PCBP2: variants seen among roughly 807,000 people sequenced by gnomAD.
The protein encoded by PCBP2 is poly(rC) binding protein 2.
A neutral mutation model predicts 50.1 loss-of-function variants in PCBP2; 4 were observed. The ratio of observed to expected loss-of-function variants is 0.08; its 90% confidence interval spans 0.04 to 0.18. PCBP2 has a LOEUF of 0.18. PCBP2 is among the 10% of genes least tolerant of loss of function. PCBP2 has a pLI of 1.00. For synonymous variants in PCBP2, 179 were observed against 168.0 expected, an observed-to-expected ratio of 1.07 and a Z score of -0.51; for missense variants, 161 against 474.3, an observed-to-expected ratio of 0.34 and a Z score of 6.14.
At chr12:53,474,768 T>TA (rs1197826061) in intron 14 of PCBP2, 3 of 343,564 alleles carry the variant, frequency 8.7e-6, no homozygotes, top group African/African-American at 6.4e-5. Context: ...CAGAGGCACT[T>TA]ACTGATATAA....
intron 1 of PCBP2, chr12:53,453,294 AAAC>A (rs1940726797): frequency 1.3e-5 from 2 of 151,276 alleles, no homozygotes; most frequent in African/African-American, 4.9e-5. Context: ...GTAAGGAATT[AAAC>A]TACCAGGTCT....
At chr12:53,467,063 C>T (rs955201973) in intron 10 of PCBP2, among the ~76,000 whole-genome samples, 158 bp from the exon 11 acceptor site, 1 of 152,160 alleles carries the variant, frequency 6.6e-6, no homozygotes, top group African/African-American at 2.4e-5. Flanking sequence ...TTCTGCCAAT[C>T]CCCAGGATTG....
chr12:53,452,142 G>GCGCCCTCTCC lies in PCBP2; in HGVS notation c.-304_-295dup, dbSNP rs1303532230. 6.9e-6 allele frequency: 1 copy of GCGCCCTCTCC among 144,072 alleles called. No homozygotes were observed. The highest frequency in any genetic ancestry group is 2.6e-5 in the African/African-American group (1 of 38,564). 8.9% of individuals were successfully genotyped at this position (144,072 alleles called of 1,614,324 possible). ...GCAGCAGCCGGAGCAGCCGCAGCCT[G>GCGCCCTCTCC]CGCCCTCTCCCGCCCGCCCGCCCTC... On this transcript the variant is annotated 5_prime_UTR_variant, in exon 1 of 15. Transcript: ENST00000546463.
intron 5 of PCBP2, 101 bp from the exon 6 acceptor site, chr12:53,459,171 G>A: frequency 9.9e-7 from 1 of 1,006,258 alleles, no homozygotes; most frequent in Non-Finnish European, 1.4e-6. Context: ...GACCTCGCAT[G>A]TCCTAATAAG....
At position 53,455,793 on chromosome 12, in the gene PCBP2, T is replaced by G. The variant is rs1404571091; in HGVS notation, c.127-92T>G. 3.5e-6 allele frequency: 3 copies of G among 856,624 alleles called. No individual in the cohort carries two copies. In the African/African-American group the frequency reaches 5.0e-5, roughly 14 times the overall value. The allele number at this position is 856,624 out of a possible 1,614,324, so 53.1% of individuals were successfully genotyped here. On this transcript the variant is annotated intron_variant, in intron 4 of 14. Transcript: ENST00000546463. ...CTGACTTTGCTTTGCATCAGGATCA[T>G]GTACATTGGCAGTCTTATAAGGGAC... is the stretch of plus-strand genomic sequence containing the variant.
rs1941649877 is a variant in PCBP2 at position 53,464,184 on chromosome 12, T to TC, written c.580-571dup. 2.0e-5 allele frequency among the ~76,000 whole-genome samples: 3 copies of TC among 152,054 alleles called. No individual in the cohort carries two copies. In the South Asian group the frequency reaches 6.2e-4, roughly 32 times the overall value. ...TTCCTGCTCTTCTGGATTCTCCCAC[T>TC]CCCCCTTTGGAATAGAGTCCCATAC... is the stretch of plus-strand genomic sequence containing the variant. On this transcript the variant is annotated intron_variant, in intron 8 of 14. Coordinates refer to ENST00000546463, the MANE Select transcript of PCBP2 (RefSeq NM_031989.5).
chr12:53,455,561 T>A (rs1940942311), intron 4 of PCBP2, 68 bp downstream of exon 4: 5 of 1,530,980 alleles, frequency 3.3e-6, no homozygotes, highest in Non-Finnish European at 4.5e-6. Context: ...GTGAAAATTC[T>A]TTTTCAGAAA....
At position 53,480,153 on chromosome 12, in the gene PCBP2, T is replaced by A. The variant is rs1476385268; in HGVS notation, c.*711T>A. 1 of 152,184 alleles carries A rather than the reference T, an allele frequency of 6.6e-6. No homozygotes were observed. The highest frequency in any genetic ancestry group is 6.5e-5 in the Admixed American group (1 of 15,278). 9.4% of individuals were successfully genotyped at this position (152,184 alleles called of 1,614,324 possible). On this transcript the variant is annotated 3_prime_UTR_variant, in exon 15 of 15. Coordinates refer to ENST00000546463, the MANE Select transcript of PCBP2 (RefSeq NM_031989.5). Reference sequence around the variant, plus strand: ...CACATGACATACATGGCATACACATTAAGCAGTTGATCATATGTCTGACTG... The same window carrying A: ...CACATGACATACATGGCATACACATAAAGCAGTTGATCATATGTCTGACTG...
chr12:53,479,368 C>T (rs1208451692), intron 14 of PCBP2, 38 bp from the exon 15 acceptor site: 1 of 1,601,698 alleles, frequency 6.2e-7, no homozygotes, highest in Non-Finnish European at 8.6e-7. Context: ...CAGCTGAGCA[C>T]TGGGGAAACT....
chr12:53,461,286 A>C (rs1198504488), intron 7 of PCBP2, 143 bp downstream of exon 7: 20 of 857,072 alleles, frequency 2.3e-5, no homozygotes, highest in Non-Finnish European at 1.4e-5. Context: ...CTGAGTTCAT[A>C]TTTTCCTTCC....
chr12:53,463,509 A>G (rs959700791), intron 8 of PCBP2, among the ~76,000 whole-genome samples: 2 of 152,242 alleles, frequency 1.3e-5, no homozygotes, highest in African/African-American at 2.4e-5. Flanking sequence ...AAGTATTTAC[A>G]TAGTATTTAC....
Position 53,452,353 on chromosome 12 carries a change from C to T in PCBP2, c.-99C>T, listed in dbSNP as rs1940592231. ...CCCCTTCCCGCCCGCTCCCCTTTTCCCCTCAGTCGCCTCGCGCCTGCAGGT... is the reference window on the plus strand; with the variant it reads ...CCCCTTCCCGCCCGCTCCCCTTTTCTCCTCAGTCGCCTCGCGCCTGCAGGT... On this transcript the variant is annotated 5_prime_UTR_variant, in exon 1 of 15. Coordinates refer to ENST00000546463, the MANE Select transcript of PCBP2 (RefSeq NM_031989.5). 1 of 142,786 alleles carries T rather than the reference C, an allele frequency of 7.0e-6. No individual in the cohort carries two copies. Among genetic ancestry groups the T allele is most frequent in the Non-Finnish European group, 1.5e-5 (1 of 65,276 alleles). The allele number at this position is 142,786 out of a possible 1,614,324, so 8.8% of individuals were successfully genotyped here. A position where few individuals can be genotyped will look rare whatever the true frequency, so the allele number is the denominator to read the frequency against.
In PCBP2 at chr12:53,456,238, C is replaced by T. The variant is rs566900807; in HGVS notation, c.243+237C>T. ...TCCCAGCACTTTTGGGAGGCTGAGG[C>T]GGGCAGATAAACGAGGTCAGGAGTT... On this transcript the variant is annotated intron_variant, in intron 5 of 14. Transcript: ENST00000546463. Among the ~76,000 whole-genome samples the T allele has an allele frequency of 3.3e-5, 5 of 152,066 alleles. No individual in the cohort carries two copies. In the South Asian group the frequency reaches 6.2e-4, roughly 19 times the overall value.
intron 5 of PCBP2, among the ~76,000 whole-genome samples, chr12:53,456,684 A>G (rs1941042605): frequency 6.6e-6 from 1 of 152,174 alleles, no homozygotes. Flanking sequence ...TTGTGTCAAA[A>G]TTACATTTGT....
chr12:53,465,906 T>C (rs1412523127), intron 9 of PCBP2, 26 bp from the exon 10 acceptor site: 27 of 1,599,390 alleles, frequency 1.7e-5, no homozygotes, highest in Non-Finnish European at 2.3e-5. Context: ...TGGTTTTTAA[T>C]AGGAACTGTT....
chr12:53,461,078 A>G lies in PCBP2; in HGVS notation c.439A>G (p.Thr147Ala). The G allele has an allele frequency of 1.2e-6, 2 of 1,614,046 alleles. No homozygotes were observed. Among genetic ancestry groups the G allele is most frequent in the Non-Finnish European group, 8.5e-7 (1 of 1,179,992 alleles). The change falls in exon 7 of 15, where the codon ACT becomes GCT. Residue 147 changes from threonine (T) to alanine (A), a missense_variant. Around this residue, in one of 7 missense-constraint regions of PCBP2, gnomAD observed 13 missense variants for 71.8 expected, o/e 0.18. Coordinates refer to ENST00000546463, the MANE Select transcript of PCBP2 (RefSeq NM_031989.5). ...ACCCAACTCAACTGAGCGGGCCATCACTATTGCTGGCATTCCACAATCCAT... is the reference window on the plus strand; with the variant it reads ...ACCCAACTCAACTGAGCGGGCCATCGCTATTGCTGGCATTCCACAATCCAT... ...MLPNSTERAI[T>A]IAGIPQSIIE... is the part of the protein sequence containing the mutation.
chr12:53,462,443 C>T, intron 7 of PCBP2, 50 bp from the exon 8 acceptor site: 2 of 1,508,220 alleles, frequency 1.3e-6, no homozygotes, highest in Middle Eastern at 1.7e-4. Flanking sequence ...GCTGAAGCAG[C>T]TTTGAAACCT....
intron 10 of PCBP2, among the ~76,000 whole-genome samples, chr12:53,466,526 C>A (rs1484703836): frequency 3.9e-5 from 6 of 152,198 alleles, no homozygotes; most frequent in Non-Finnish European, 5.9e-5. Flanking sequence ...ATTTAGACTT[C>A]AAGGGCATTT....
At chr12:53,459,096 A>G (rs758491019) in intron 5 of PCBP2, among the ~76,000 whole-genome samples, 176 bp from the exon 6 acceptor site, 44 of 152,128 alleles carry the variant, frequency 2.9e-4, no homozygotes, top group Admixed American at 6.5e-5. Flanking sequence ...ATGAGCTTTT[A>G]TCTTTACATC....
Sources: gnomAD v4.1 joint callset for allele counts (sites outside exome capture counted in the v4.1 genomes callset) on GRCh38, gnomAD v4.1.1 for gene constraint, gnomAD v4.1.1 regional missense constraint, MANE v1.5 for transcripts, NCBI Gene and HGNC (gene_info 2026-07-23, HGNC 2026-07-21) for gene names.